The following CPNE4 variants were observed in gnomAD, a reference collection of about 807,000 sequenced individuals.
CPNE4 encodes copine-4.
In CPNE4, 25 loss-of-function variants were observed where a neutral mutation model predicts 67.9. The ratio of observed to expected loss-of-function variants is 0.37; its 90% CI spans 0.27 to 0.51. The LOEUF is 0.51. Ranked by LOEUF, CPNE4 falls within the 20% of genes least tolerant of loss-of-function variation. The pLI is 0.93. For synonymous variants in CPNE4, 242 were observed against 244.9 expected (o/e 0.99, Z 0.11); for missense variants, 464 against 690.8 (o/e 0.67, Z 3.68).
chr3:131,659,973 G>T (rs2080082149), intron 7 of CPNE4, among the ~76,000 whole-genome samples: 1 of 152,112 alleles, frequency 6.6e-6, no homozygotes, highest in African/African-American at 2.4e-5. Context: ...AATTTTTGTT[G>T]TGGTAAAAGA....
Position 131,815,576 on chromosome 3 carries a change from C to G in CPNE4, c.180+89688G>C, listed in dbSNP as rs566214249. ...AGTATGGGAAGATTCCAGAACCTGC[C>G]TATATATATATGTAAGTAAGTCCAA... On this transcript the variant is annotated intron_variant, in intron 2 of 15. Transcript: ENST00000429747. Among the ~76,000 whole-genome samples the G allele has an allele frequency of 1.1e-3, 169 of 152,188 alleles. 2 individuals are homozygous for G. The Middle Eastern group carries it at 0.014, about 12-fold the overall frequency.
chr3:131,657,622 A>G (rs1452864872), intron 7 of CPNE4, among the ~76,000 whole-genome samples: 1 of 148,936 alleles, frequency 6.7e-6, no homozygotes, highest in Non-Finnish European at 1.5e-5. Context: ...GCAACCTCCA[A>G]CTCACTGGTT....
In CPNE4 at chr3:131,723,484, C is replaced by T; in HGVS notation, c.322G>A (p.Ala108Thr). ...CACTCCATGCCACCAAGGAAGTCGGCCTCCTTCAGCCCATTGTGGTTGCTG... is the reference window on the plus strand; with the variant it reads ...CACTCCATGCCACCAAGGAAGTCGGTCTCCTTCAGCCCATTGTGGTTGCTG... ...ISSNHNGLKE[A>T]DFLGGMECTL... The change falls in exon 3 of 16, where the codon GCC (alanine) becomes ACC (threonine). Residue 108 changes from alanine (A) to threonine (T), a missense_variant. Physicochemically the swap from Ala to Thr is moderately conservative, Grantham distance 58. Around this residue, in one of 6 missense-constraint regions of CPNE4, gnomAD observed 170 missense variants for 203.3 expected, o/e 0.84. Coordinates refer to ENST00000429747, the MANE Select transcript of CPNE4 (RefSeq NM_130808.3). The T allele has an allele frequency of 6.2e-7, 1 of 1,613,496 alleles. No individual in the cohort carries two copies. Among genetic ancestry groups the T allele is most frequent in the Middle Eastern group, 1.8e-4 (1 of 5,482 alleles).
At chr3:131,899,249 C>T (rs546929748) in intron 2 of CPNE4, among the ~76,000 whole-genome samples, 1 of 152,034 alleles carries the variant, frequency 6.6e-6, no homozygotes, top group Non-Finnish European at 1.5e-5. Context: ...GGCTGGCTAG[C>T]AGGAGGCACA....
intron 2 of CPNE4, among the ~76,000 whole-genome samples, chr3:131,809,162 TG>T (rs1357972918): frequency 1.3e-5 from 2 of 152,106 alleles, no homozygotes; most frequent in Admixed American, 1.3e-4. Context: ...ATTATCCTGG[TG>T]GGTCCAATGT....
chr3:131,984,656 A>G (rs2107641410), intron 1 of CPNE4, among the ~76,000 whole-genome samples: 1 of 152,222 alleles, frequency 6.6e-6, no homozygotes, highest in Middle Eastern at 3.4e-3. Context: ...CAACTGTATC[A>G]CCTACATCAC....
At chr3:131,620,625 G>T in intron 7 of CPNE4, 1 of 216,700 alleles carries the variant, frequency 4.6e-6, no homozygotes, top group Non-Finnish European at 7.9e-6. Context: ...AAGAATAGAA[G>T]CCCAGATTAT....
intron 1 of CPNE4, among the ~76,000 whole-genome samples, chr3:131,966,469 C>T (rs181321873): frequency 1.6e-3 from 248 of 152,080 alleles, no homozygotes; most frequent in Non-Finnish European, 2.6e-3. Context: ...ATAGGTAGAC[C>T]ACTAGCCAGA....
At chr3:131,562,357 A>T (rs1310645592) in intron 11 of CPNE4, among the ~76,000 whole-genome samples, 1 of 152,060 alleles carries the variant, frequency 6.6e-6, no homozygotes, top group Non-Finnish European at 1.5e-5. Context: ...TCTGAGGCTT[A>T]CTATCTTCAT....
chr3:131,972,123 G>GA (rs11389908), intron 1 of CPNE4, among the ~76,000 whole-genome samples: 40,664 of 150,402 alleles, frequency 0.27, 5,692 homozygotes, highest in Non-Finnish European at 0.31. Flanking sequence ...GAGAGAGAGG[G>GA]AAAAAAAAAG....
intron 2 of CPNE4, among the ~76,000 whole-genome samples, chr3:131,832,178 T>C (rs2085398986): frequency 6.6e-6 from 1 of 152,208 alleles, no homozygotes; most frequent in Non-Finnish European, 1.5e-5. Context: ...AAGTCTTATA[T>C]AGCAAGTATT....
intron 1 of CPNE4, among the ~76,000 whole-genome samples, chr3:132,011,428 T>G (rs1232316712): frequency 6.6e-6 from 1 of 152,124 alleles, no homozygotes; most frequent in East Asian, 1.9e-4. Context: ...CTTTTAATGA[T>G]GGAAAGGGAA....
intron 2 of CPNE4, among the ~76,000 whole-genome samples, chr3:131,778,332 C>T (rs1358860252): frequency 6.6e-6 from 1 of 152,076 alleles, no homozygotes; most frequent in Non-Finnish European, 1.5e-5. Context: ...GTATGTCTAG[C>T]TCGAGTCTTG....
Position 131,628,397 on chromosome 3 carries a change from C to T in CPNE4, c.682-40815G>A, listed in dbSNP as rs535088655. Among the ~76,000 whole-genome samples the T allele has an allele frequency of 2.0e-4, 31 of 152,250 alleles. No individual in the cohort carries two copies. In the South Asian group the frequency reaches 3.5e-3, roughly 17 times the overall value. ...ATGAGAGGGAAGCAAAAGCAGAAAC[C>T]GCTGATAAGCCCATCAGACCTCATG... is the stretch of plus-strand genomic sequence containing the variant. On this transcript the variant is annotated intron_variant, in intron 7 of 15. Transcript: ENST00000429747.
chr3:131,689,722 C>G (rs2080985792), intron 5 of CPNE4, among the ~76,000 whole-genome samples: 1 of 152,122 alleles, frequency 6.6e-6, no homozygotes, highest in Admixed American at 6.6e-5. Context: ...CCAGAGCACT[C>G]AAGCAAGAGA....
chr3:131,571,195 G>A (rs563112187), intron 10 of CPNE4, among the ~76,000 whole-genome samples: 1 of 151,858 alleles, frequency 6.6e-6, no homozygotes, highest in East Asian at 1.9e-4. Context: ...TTTCCTCCTG[G>A]GCATCTGAGT....
chr3:131,772,989 C>T (rs1364660158), intron 2 of CPNE4, among the ~76,000 whole-genome samples: 1 of 152,106 alleles, frequency 6.6e-6, no homozygotes, highest in Non-Finnish European at 1.5e-5. Context: ...AATGTATTGA[C>T]TCTTTTGGAC....
intron 1 of CPNE4, among the ~76,000 whole-genome samples, chr3:131,944,577 T>A (rs1209453309): frequency 2.0e-5 from 3 of 151,822 alleles, no homozygotes; most frequent in Admixed American, 6.6e-5. Flanking sequence ...ACAACCCAGA[T>A]GAGGAGCAGC....
intron 2 of CPNE4, among the ~76,000 whole-genome samples, chr3:131,846,839 T>G (rs574585494): frequency 6.6e-6 from 1 of 152,268 alleles, no homozygotes; most frequent in Admixed American, 6.5e-5. Context: ...TGAACCTACA[T>G]GTGGCTGCTA....
Sources: allele counts gnomAD v4.1 joint callset (sites outside exome capture counted in the v4.1 genomes callset), GRCh38; gene constraint gnomAD v4.1.1; regional missense constraint gnomAD v4.1.1; transcripts MANE v1.5; gene names NCBI Gene and HGNC (gene_info 2026-07-23, HGNC 2026-07-21).